Variants in GTF3C3 observed in about 807,000 individuals in gnomAD.
GTF3C3 encodes the protein general transcription factor IIIC subunit 3.
A neutral mutation model predicts 105.2 loss-of-function variants in GTF3C3; 75 were observed. That is an observed-to-expected ratio of 0.71 (90% confidence interval 0.59 to 0.86). The LOEUF (loss-of-function observed/expected upper bound fraction) is 0.86, where lower values mean the gene tolerates loss of function less well. Ranked by LOEUF, GTF3C3 falls within the 40% of genes least tolerant of loss-of-function variation. GTF3C3 has a pLI of 0.00. For missense variants in GTF3C3, 856 were observed against 1,076.5 expected (o/e 0.80, Z 2.87); for synonymous variants, 335 against 370.4 (o/e 0.90, Z 1.10).
At chr2:196,766,358 G>A (rs1699069042) in intron 17 of GTF3C3, among the ~76,000 whole-genome samples, 1 of 152,192 alleles carries the variant, frequency 6.6e-6, no homozygotes, top group Admixed American at 6.5e-5. Flanking sequence ...ACAGCCACAA[G>A]CTGTATATGT....
chr2:196,796,106 A>G (rs1269738693), intron 2 of GTF3C3, among the ~76,000 whole-genome samples: 2 of 152,222 alleles, frequency 1.3e-5, no homozygotes, highest in Non-Finnish European at 2.9e-5. Flanking sequence ...ATATATTTCA[A>G]TTAGCTGACT....
At chr2:196,781,357 A>AAAATATATATATATATATAT in intron 8 of GTF3C3, among the ~76,000 whole-genome samples, 3 of 18,810 alleles carry the variant, frequency 1.6e-4, no homozygotes, top group African/African-American at 2.1e-4. Context: ...AAAAAAAAAA[A>AAAATATATATATATATATAT]ATATATATAT....
chr2:196,788,910 A>C (rs1011125111), intron 6 of GTF3C3, among the ~76,000 whole-genome samples: 2 of 151,982 alleles, frequency 1.3e-5, no homozygotes, highest in African/African-American at 2.4e-5. Context: ...ACAAAAAAAA[A>C]TTAAAAATTA....
rs1011915176 is a variant in GTF3C3, at chr2:196,785,635, AT to A, written c.894-48del. 3 of 1,190,248 alleles carry A rather than the reference AT, an allele frequency of 2.5e-6. No individual in the cohort carries two copies. In the African/African-American group the frequency reaches 4.5e-5, roughly 18 times the overall value. 73.7% of individuals were successfully genotyped at this position (1,190,248 alleles called of 1,614,324 possible). On this transcript the variant is annotated intron_variant, in intron 6 of 17. Transcript: ENST00000263956. Reference sequence around the variant, plus strand: ...GATGAATATTTACTTAATTCCAATTATAAAACTCATTTCCTTGCTTAGGCTA... The same window carrying A: ...GATGAATATTTACTTAATTCCAATTAAAAACTCATTTCCTTGCTTAGGCTA...
rs1360068432 is a variant in GTF3C3 at position 196,791,529 on chromosome 2, TAATA to T, written c.412-73_412-70del. The T allele has an allele frequency of 6.6e-6, 9 of 1,363,000 alleles. No homozygotes were observed. In the African/African-American group the frequency reaches 1.0e-4, roughly 15 times the overall value. The allele number at this position is 1,363,000 out of a possible 1,614,324, so 84.4% of individuals were successfully genotyped here. A position where few individuals can be genotyped will look rare whatever the true frequency, so the allele number is the denominator to read the frequency against. ...TCTTAGATTTCAATTCCAGCCATAT[TAATA>T]AATATAGCATATAATGAAACTGAAA... On this transcript the variant is annotated intron_variant, in intron 3 of 17. Transcript: ENST00000263956.
chr2:196,785,623 T>G (rs896186151), intron 6 of GTF3C3, 35 bp from the exon 7 acceptor site: 1 of 1,305,096 alleles, frequency 7.7e-7, no homozygotes, highest in African/African-American at 1.5e-5. Flanking sequence ...GAATATTTAC[T>G]TAATTCCAAT....
At chr2:196,788,483 G>C (rs554861526) in intron 6 of GTF3C3, among the ~76,000 whole-genome samples, 63 of 152,184 alleles carry the variant, frequency 4.1e-4, no homozygotes, top group Non-Finnish European at 7.5e-4. Context: ...AACTGTAAAA[G>C]AGAATTTTTA....
Position 196,799,623 on chromosome 2 carries a change from C to CT in GTF3C3, c.-13dup, listed in dbSNP as rs763249775. The CT allele has an allele frequency of 2.5e-6, 4 of 1,574,558 alleles. No individual in the cohort carries two copies. In the East Asian group the frequency reaches 9.0e-5, roughly 35 times the overall value. ...CTGAACCCTGACATGTTTACAGGGTCTGTCTGTGCAACCCCAGGAACCGGG... is the reference window on the plus strand; with the variant it reads ...CTGAACCCTGACATGTTTACAGGGTCTTGTCTGTGCAACCCCAGGAACCGGG... On this transcript the variant is annotated 5_prime_UTR_variant, in exon 1 of 18. Coordinates refer to ENST00000263956, the MANE Select transcript of GTF3C3 (RefSeq NM_012086.5).
At chr2:196,789,439 C>A in intron 5 of GTF3C3, 70 bp from the exon 6 acceptor site, 1 of 1,062,280 alleles carries the variant, frequency 9.4e-7, no homozygotes, top group Non-Finnish European at 1.3e-6. Context: ...GATCCATCAT[C>A]TCAGAAAATT....
chr2:196,789,798 C>T (rs1699515381), intron 5 of GTF3C3, 81 bp downstream of exon 5: 1 of 856,484 alleles, frequency 1.2e-6, no homozygotes, highest in South Asian at 1.9e-5. Flanking sequence ...AATATCACAC[C>T]CCAGAATAGC....
chr2:196,789,374 AAAG>A lies in GTF3C3; in HGVS notation c.728-8_728-6del. ...TAGTAGGTTCATATTTAAGAGCTAA[AAAG>A]AAAGAAATACAAATTATTTACCACA... On this transcript the variant is annotated splice_polypyrimidine_tract_variant and splice_region_variant and intron_variant, in intron 5 of 17. Coordinates refer to ENST00000263956, the MANE Select transcript of GTF3C3 (RefSeq NM_012086.5). 1.3e-6 allele frequency: 2 copies of A among 1,573,582 alleles called. No individual in the cohort carries two copies. Among genetic ancestry groups the A allele is most frequent in the East Asian group, 4.5e-5 (2 of 44,272 alleles).
At chr2:196,770,406 A>AT (rs1453237417) in intron 15 of GTF3C3, among the ~76,000 whole-genome samples, 2 of 152,304 alleles carry the variant, frequency 1.3e-5, no homozygotes, top group Admixed American at 6.5e-5. Context: ...TTTGGTGAAC[A>AT]TTTTTATAGA....
intron 4 of GTF3C3, among the ~76,000 whole-genome samples, chr2:196,790,452 A>G (rs889280445): frequency 1.3e-5 from 2 of 152,178 alleles, no homozygotes; most frequent in African/African-American, 4.8e-5. Flanking sequence ...TCCCACACCA[A>G]GGAGTATGGT....
intron 7 of GTF3C3, 123 bp downstream of exon 7, chr2:196,785,318 T>C (rs1699437399): frequency 1.3e-5 from 8 of 636,498 alleles, no homozygotes; most frequent in Non-Finnish European, 1.0e-5. Flanking sequence ...AAATCACTTG[T>C]TTCCATATAG....
rs1408313246 is a variant in GTF3C3 at position 196,776,376 on chromosome 2, T to G, written c.1593+51A>C. The stretch of plus-strand genomic sequence containing the variant: ...AGACATCCTTAATGGAGGAGAAAGT[T>G]CTAAAATATAATATACCAAGAAAAA... On this transcript the variant is annotated intron_variant, in intron 11 of 17. Transcript: ENST00000263956. The surrounding 1 kb of genome is among the most constrained non-coding windows in gnomAD (Gnocchi z 4.5). 6.9e-7 allele frequency: 1 copy of G among 1,456,142 alleles called. No homozygotes were observed. Among genetic ancestry groups the G allele is most frequent in the Middle Eastern group, 2.4e-4 (1 of 4,122 alleles). The allele number at this position is 1,456,142 out of a possible 1,614,324, so 90.2% of individuals were successfully genotyped here.
In GTF3C3 at chr2:196,764,606, G is replaced by C. The variant is rs867245356; in HGVS notation, c.2618C>G (p.Thr873Ser). 1 of 1,613,504 alleles carries C rather than the reference G, an allele frequency of 6.2e-7. No individual in the cohort carries two copies. The highest frequency in any genetic ancestry group is 1.3e-5 in the African/African-American group (1 of 74,962). ...ATACAAAAGCGTTTGAGCCATTCCG[G>C]TATTCCCACTGCTCTGATAGATGAG... ...LSLIYQSSGN[T>S]GMAQTLLYTY... Residue 873 changes from threonine (T) to serine (S), a missense_variant, in exon 18 of 18, where the codon ACC becomes AGC. Coordinates refer to ENST00000263956, the MANE Select transcript of GTF3C3 (RefSeq NM_012086.5).
chr2:196,778,017 G>T (rs1699286405), intron 10 of GTF3C3: 1 of 152,134 alleles, frequency 6.6e-6, no homozygotes, highest in South Asian at 2.1e-4. Flanking sequence ...ACAGAAAAGT[G>T]TTATCTTAAT....
chr2:196,793,262 A>G, intron 2 of GTF3C3, 110 bp from the exon 3 acceptor site: 1 of 713,252 alleles, frequency 1.4e-6, no homozygotes, highest in Non-Finnish European at 2.4e-6. Context: ...CAAATTTGAA[A>G]GTAAAAAATA....
At chr2:196,781,353 AAAAAATATATATATATATAT>A (rs1699350146) in intron 8 of GTF3C3, among the ~76,000 whole-genome samples, 1 of 23,130 alleles carries the variant, frequency 4.3e-5, no homozygotes. Context: ...AAAAAAAAAA[AAAAAATATATATATATATAT>A]ATATATATAT....
Sources: gnomAD v4.1 joint callset for allele counts (sites outside exome capture counted in the v4.1 genomes callset) on GRCh38, gnomAD v4.1.1 for gene constraint, Gnocchi (gnomAD v3.1) non-coding constraint, MANE v1.5 for transcripts, NCBI Gene and HGNC (gene_info 2026-07-23, HGNC 2026-07-21) for gene names.